The following RECK variants were observed in gnomAD, a reference collection of about 807,000 sequenced individuals.
RECK encodes reversion inducing cysteine rich protein with kazal motifs, also known as reversion-inducing cysteine-rich protein with Kazal motifs.
A neutral mutation model predicts 115.1 loss-of-function variants in RECK; 69 were observed. That is an observed-to-expected ratio of 0.60 (90% CI 0.49 to 0.73). The LOEUF (loss-of-function observed/expected upper bound fraction) is 0.73, where lower values mean the gene tolerates loss of function less well. Ranked by LOEUF, RECK falls within the 30% of genes least tolerant of loss-of-function variation. The pLI, the probability that RECK is intolerant of heterozygous loss-of-function variation, is 0.00. For missense variants in RECK, 1,047 were observed against 1,203.7 expected (o/e 0.87, Z 1.93); for synonymous variants, 414 against 419.7 (o/e 0.99, Z 0.17).
chr9:36,068,940 T>A (rs963611729), intron 6 of RECK, among the ~76,000 whole-genome samples: 20 of 152,244 alleles, frequency 1.3e-4, no homozygotes, highest in Non-Finnish European at 2.4e-4. Flanking sequence ...GCTGAGAATT[T>A]ATTTCAAGTG....
rs201272698 is a variant in RECK at position 36,058,659 on chromosome 9, T to A, written c.160-168T>A. On this transcript the variant is annotated intron_variant, in intron 2 of 20. Coordinates refer to ENST00000377966, the MANE Select transcript of RECK (RefSeq NM_021111.3). ...CTAAAACTTAAAGTATAATAATAAT[T>A]AATAAATAAATAAATAAATAAATAA... is the stretch of plus-strand genomic sequence containing the variant. 5.4e-3 allele frequency among the ~76,000 whole-genome samples: 777 copies of A among 144,728 alleles called. 5 individuals carry two copies. Among genetic ancestry groups the A allele is most frequent in the African/African-American group, 0.016 (643 of 39,120 alleles). The allele number at this position is 144,728 out of a possible 152,430, so 94.9% of individuals were successfully genotyped here. A position where few individuals can be genotyped will look rare whatever the true frequency, so the allele number is the denominator to read the frequency against.
chr9:36,070,503 C>T (rs1185133824), intron 6 of RECK, among the ~76,000 whole-genome samples: 1 of 148,206 alleles, frequency 6.7e-6, no homozygotes, highest in African/African-American at 2.5e-5. Context: ...TAAAATAATC[C>T]ATTCTTTTGA....
At position 36,063,722 on chromosome 9, in the gene RECK, C is replaced by T. The variant is rs1443920029; in HGVS notation, c.272-73C>T. The stretch of plus-strand genomic sequence containing the variant: ...AGCTGCTTTGACTTTTAGTAGTAGC[C>T]TTGAAACATCTGGCATGCTATCTCT... On this transcript the variant is annotated intron_variant, in intron 4 of 20. Coordinates refer to ENST00000377966, the MANE Select transcript of RECK (RefSeq NM_021111.3). 6 of 1,394,168 alleles carry T rather than the reference C, an allele frequency of 4.3e-6. No homozygotes were observed. In the East Asian group the frequency reaches 1.4e-4, roughly 32 times the overall value. 86.4% of individuals were successfully genotyped at this position (1,394,168 alleles called of 1,614,324 possible).
chr9:36,037,149 A>G (rs1270921941), intron 1 of RECK, 51 bp downstream of exon 1: 29 of 1,095,312 alleles, frequency 2.6e-5, no homozygotes, highest in Non-Finnish European at 2.9e-5. Context: ...CGGCCGCCAC[A>G]GCGCTCCAAG....
chr9:36,049,387 G>C (rs1477634217), intron 1 of RECK, among the ~76,000 whole-genome samples: 2 of 152,142 alleles, frequency 1.3e-5, no homozygotes, highest in African/African-American at 2.4e-5. Flanking sequence ...TTCTGGTGTT[G>C]CCAGCCTCCA....
rs754808152 is a variant in RECK at position 36,063,848 on chromosome 9, A to C, written c.325A>C (p.Ile109Leu). The C allele has an allele frequency of 1.1e-5, 18 of 1,614,076 alleles. No individual in the cohort carries two copies. Among genetic ancestry groups the C allele is most frequent in the Non-Finnish European group, 1.5e-5 (18 of 1,179,948 alleles). ...WVGLGCCELA[I>L]ALECRQACKQ... is the part of the protein sequence containing the mutation. ...TGGCTTAGGCTGCTGTGAACTGGCT[A>C]TTGCCTTGGAGTGTCGACAGGCATG... The change falls in exon 5 of 21, where the codon ATT becomes CTT. Residue 109 changes from isoleucine to leucine, a missense_variant. Transcript: ENST00000377966.
At chr9:36,083,901 A>G (rs1254478870) in intron 8 of RECK, among the ~76,000 whole-genome samples, 2 of 152,228 alleles carry the variant, frequency 1.3e-5, no homozygotes, top group Non-Finnish European at 2.9e-5. Context: ...AATTTATCTC[A>G]TAAGAAAACT....
chr9:36,108,021 C>G lies in RECK; in HGVS notation c.1622C>G (p.Thr541Arg). 6.2e-7 allele frequency: 1 copy of G among 1,613,758 alleles called. No homozygotes were observed. The highest frequency in any genetic ancestry group is 8.5e-7 in the Non-Finnish European group (1 of 1,179,890). ...TCTGATTTCATTGTCCGTCAAGGGA[C>G]ACTAATCCAGGTGCCATCATCTGCA... Reference protein sequence around the residue: ...EASDFIVRQGTLIQVPSSAGE... With the variant: ...EASDFIVRQGRLIQVPSSAGE... Residue 541 changes from threonine (T) to arginine (R), a missense_variant, in exon 14 of 21, where the codon ACA becomes AGA. Thr to Arg is a moderately conservative substitution (Grantham distance 71, BLOSUM62 -1). Coordinates refer to ENST00000377966, the MANE Select transcript of RECK (RefSeq NM_021111.3).
chr9:36,038,036 G>A (rs1049487454), intron 1 of RECK, among the ~76,000 whole-genome samples: 2 of 151,052 alleles, frequency 1.3e-5, no homozygotes, highest in African/African-American at 4.9e-5. Context: ...AGTCAGCCGG[G>A]TGCGGTAGGC....
intron 6 of RECK, 32 bp downstream of exon 6, chr9:36,065,656 C>T: frequency 6.7e-7 from 1 of 1,492,380 alleles, no homozygotes; most frequent in Middle Eastern, 1.8e-4. Context: ...TGTGGATAGC[C>T]TATTCAGATG....
intron 10 of RECK, among the ~76,000 whole-genome samples, chr9:36,093,858 G>GA (rs1347313884): frequency 2.0e-5 from 3 of 151,858 alleles, no homozygotes; most frequent in Admixed American, 6.6e-5. Flanking sequence ...ACCAAAGGGA[G>GA]AAAAAAAGAC....
At chr9:36,075,830 A>G (rs547491804) in intron 6 of RECK, among the ~76,000 whole-genome samples, 1 of 152,350 alleles carries the variant, frequency 6.6e-6, no homozygotes, top group African/African-American at 2.4e-5. Context: ...ACATTAACAT[A>G]ACAGTTAATA....
rs532915158 is a variant in RECK at position 36,099,053 on chromosome 9, T to A, written c.1086-1278T>A. Among the ~76,000 whole-genome samples the A allele has an allele frequency of 3.3e-5, 5 of 152,100 alleles. No homozygotes were observed. The East Asian group carries it at 9.7e-4, about 29-fold the overall frequency. The stretch of plus-strand genomic sequence containing the variant: ...CCAGCCTGGGCAACATGGCAAAACC[T>A]TGTCTCTAAAGAAAATACAAAAATT... On this transcript the variant is annotated intron_variant, in intron 10 of 20. Coordinates refer to ENST00000377966, the MANE Select transcript of RECK (RefSeq NM_021111.3).
chr9:36,119,006 G>C, intron 18 of RECK, 39 bp downstream of exon 18: 3 of 1,585,030 alleles, frequency 1.9e-6, no homozygotes, highest in Non-Finnish European at 2.6e-6. Flanking sequence ...GGAGGACTGA[G>C]AAGATTTGCT....
intron 5 of RECK, among the ~76,000 whole-genome samples, chr9:36,064,247 T>G (rs1359582898): frequency 1.3e-5 from 2 of 152,222 alleles, no homozygotes; most frequent in Non-Finnish European, 2.9e-5. Context: ...GGCTCATTTT[T>G]TCATCTCCTT....
At chr9:36,112,165 A>G (rs1041202167) in intron 15 of RECK, 140 bp from the exon 16 acceptor site, 6 of 577,574 alleles carry the variant, frequency 1.0e-5, no homozygotes, top group Non-Finnish European at 1.7e-5. Context: ...GATCGGAGAG[A>G]AGGTTTTTCC....
At position 36,094,687 on chromosome 9, in the gene RECK, TAA is replaced by T. The variant is rs1823273236; in HGVS notation, c.1085+3346_1085+3347del. On this transcript the variant is annotated intron_variant, in intron 10 of 20. Transcript: ENST00000377966. This position sits in a 1 kb window ranked among gnomAD's most constrained non-coding sequence, Gnocchi z 4.1. ...GAAAGACAAAGACTATTATTGGAGA[TAA>T]AGAGTATCACCTTATAATGATCAAA... Among the ~76,000 whole-genome samples, 1 of 152,140 alleles carries T rather than the reference TAA, an allele frequency of 6.6e-6. No homozygotes were observed. Among genetic ancestry groups the T allele is most frequent in the Non-Finnish European group, 1.5e-5 (1 of 68,006 alleles).
chr9:36,052,356 G>C (rs1821341740), intron 2 of RECK, 33 bp downstream of exon 2: 1 of 1,512,204 alleles, frequency 6.6e-7, no homozygotes, highest in African/African-American at 1.4e-5. Flanking sequence ...GAGGCAGCCA[G>C]ACACAGTGGT....
intron 6 of RECK, among the ~76,000 whole-genome samples, chr9:36,068,443 C>A (rs571125215): frequency 1.2e-4 from 19 of 152,226 alleles, no homozygotes; most frequent in African/African-American, 4.3e-4. Flanking sequence ...CTCTTTCTGG[C>A]AATAGGGCAG....
Sources: gnomAD v4.1 joint callset for allele counts (sites outside exome capture counted in the v4.1 genomes callset) on GRCh38, gnomAD v4.1.1 for gene constraint, Gnocchi (gnomAD v3.1) non-coding constraint, MANE v1.5 for transcripts, NCBI Gene and HGNC (gene_info 2026-07-23, HGNC 2026-07-21) for gene names.